The following ZNF644 variants were observed in gnomAD, a reference collection of about 807,000 sequenced individuals.
ZNF644 encodes the protein zinc finger motif enhancer binding protein 2.
In ZNF644, 20 loss-of-function variants were observed where a neutral mutation model predicts 108.0. The observed-to-expected ratio is 0.19, with a 90% confidence interval of 0.13 to 0.27. The LOEUF is 0.27. Among genes scored for constraint, ZNF644 ranks in the 10% least tolerant of loss-of-function variants. The pLI is 1.00. For synonymous variants in ZNF644, 542 were observed against 539.1 expected, an observed-to-expected ratio of 1.01 and a Z score of -0.08; for missense variants, 1,338 against 1,548.9, an observed-to-expected ratio of 0.86 and a Z score of 2.29.
chr1:90,940,706 G>C lies in ZNF644; in HGVS notation c.648C>G (p.Gly216=). The part of the protein sequence containing the change: ...NSVGSNIKSD[G]TLINQVEVGE... ...CCACCTCTACTTGATTTATTAAAGT[G>C]CCATCTGACTTTATATTACTCCCTA... Residue 216 remains glycine (G), a synonymous_variant, in exon 3 of 6, where the codon GGC becomes GGG. Coordinates refer to ENST00000337393, the MANE Select transcript of ZNF644 (RefSeq NM_201269.3). The C allele has an allele frequency of 6.2e-7, 1 of 1,614,014 alleles. No homozygotes were observed. Among genetic ancestry groups the C allele is most frequent in the Non-Finnish European group, 8.5e-7 (1 of 1,179,988 alleles).
At chr1:90,978,937 G>A (rs989173648) in intron 2 of ZNF644, among the ~76,000 whole-genome samples, 11 of 152,108 alleles carry the variant, frequency 7.2e-5, no homozygotes, top group Admixed American at 3.9e-4. Context: ...AAATGTCAAC[G>A]TCTAACTCTG....
chr1:90,916,527 A>G lies in ZNF644; in HGVS notation c.*271T>C, dbSNP rs1648778156. ...AAGTATCCATGTGCAACAGTTTATT[A>G]ATGGCTGCTTACATGTACTGCTCTT... On this transcript the variant is annotated 3_prime_UTR_variant, in exon 6 of 6. Transcript: ENST00000337393. The G allele has an allele frequency of 2.2e-6, 1 of 448,258 alleles. No individual in the cohort carries two copies. Among genetic ancestry groups the G allele is most frequent in the Non-Finnish European group, 4.1e-6 (1 of 246,486 alleles). 27.8% of individuals were successfully genotyped at this position (448,258 alleles called of 1,614,324 possible). A position where few individuals can be genotyped will look rare whatever the true frequency, so the allele number is the denominator to read the frequency against.
chr1:91,014,319 CTT>C (rs146591405), intron 1 of ZNF644, among the ~76,000 whole-genome samples: 1 of 151,878 alleles, frequency 6.6e-6, no homozygotes, highest in Non-Finnish European at 1.5e-5. Context: ...CAACATTAAG[CTT>C]TTTTCTTTTA....
chr1:90,972,770 T>C (rs991820453), intron 2 of ZNF644: 1 of 152,198 alleles, frequency 6.6e-6, no homozygotes, highest in African/African-American at 2.4e-5. Flanking sequence ...CAATACAGTA[T>C]TATGCAGACT....
chr1:91,012,976 C>T (rs1413600385), intron 1 of ZNF644, among the ~76,000 whole-genome samples: 1 of 152,174 alleles, frequency 6.6e-6, no homozygotes, highest in Non-Finnish European at 1.5e-5. Flanking sequence ...GAAACACTTT[C>T]CCTTTTGAAG....
chr1:90,992,247 A>C (rs1266506990), intron 1 of ZNF644, among the ~76,000 whole-genome samples: 3 of 152,124 alleles, frequency 2.0e-5, no homozygotes, highest in Non-Finnish European at 4.4e-5. Flanking sequence ...AAATCTGTTC[A>C]AATTGTTTAC....
In ZNF644 at chr1:90,939,056, A is replaced by C; in HGVS notation, c.2298T>G (p.Ala766=). The C allele has an allele frequency of 6.2e-7, 1 of 1,614,036 alleles. No homozygotes were observed. The highest frequency in any genetic ancestry group is 8.5e-7 in the Non-Finnish European group (1 of 1,179,940). Reference sequence around the variant, plus strand: ...ACAGGTGTAAAGAATTTAATGAACTAGCTTCTTCTTTTTTGAAATGCACAG... The same window carrying C: ...ACAGGTGTAAAGAATTTAATGAACTCGCTTCTTCTTTTTTGAAATGCACAG... ...SYPVHFKKEE[A]SSLNSLHLFS... The change falls in exon 3 of 6, where the codon GCT becomes GCG. Residue 766 remains alanine (A), a synonymous_variant. Transcript: ENST00000337393.
chr1:91,008,780 C>T (rs1004603853), intron 1 of ZNF644, among the ~76,000 whole-genome samples: 1 of 152,190 alleles, frequency 6.6e-6, no homozygotes, highest in African/African-American at 2.4e-5. Flanking sequence ...TCACTATTAA[C>T]GTCTTTACTT....
chr1:90,987,551 A>G (rs1657228330), intron 1 of ZNF644, among the ~76,000 whole-genome samples: 1 of 152,068 alleles, frequency 6.6e-6, no homozygotes, highest in Non-Finnish European at 1.5e-5. Flanking sequence ...AACTTACCAA[A>G]TAAGAAAAGC....
intron 4 of ZNF644, among the ~76,000 whole-genome samples, chr1:90,934,336 G>C (rs1221310589): frequency 6.6e-6 from 1 of 152,088 alleles, no homozygotes; most frequent in Non-Finnish European, 1.5e-5. Context: ...CTAAGTTCTA[G>C]GACATGAGGA....
chr1:90,982,490 T>G, intron 1 of ZNF644, 120 bp from the exon 2 acceptor site: 1 of 698,018 alleles, frequency 1.4e-6, no homozygotes. Flanking sequence ...TTTCTTGATA[T>G]AACATAAAAA....
In ZNF644 at chr1:90,938,377, A is replaced by G. The variant is rs759561009; in HGVS notation, c.2977T>C (p.Tyr993His). Residue 993 changes from tyrosine (Y) to histidine (H), a missense_variant, in exon 3 of 6, where the codon TAT becomes CAT. Transcript: ENST00000337393. The surrounding 1 kb of genome is among the most constrained non-coding windows in gnomAD (Gnocchi z 4.2). ...GGTGATACAACATGACGGGCTTCAT[A>G]GCTTAATCCTGCTCTGTGAAGATGC... ...RGHLHRAGLS[Y>H]EARHVVSPEQ... 1.2e-6 allele frequency: 2 copies of G among 1,613,964 alleles called. No homozygotes were observed. The highest frequency in any genetic ancestry group is 2.2e-5 in the South Asian group (2 of 91,070).
At position 90,940,385 on chromosome 1, in the gene ZNF644, T is replaced by C. The variant is rs1189040275; in HGVS notation, c.969A>G (p.Val323=). The change falls in exon 3 of 6, where the codon GTA becomes GTG. Residue 323 remains valine (V), a synonymous_variant. Transcript: ENST00000337393. ...CVPNKSKMQE[V]DFLEQNEELQ... is the part of the protein sequence containing the mutation. Reference sequence around the variant, plus strand: ...GCTCTTCATTTTGTTCTAGAAAGTCTACTTCTTGCATTTTTGATTTATTGG... The same window carrying C: ...GCTCTTCATTTTGTTCTAGAAAGTCCACTTCTTGCATTTTTGATTTATTGG... 8 of 1,613,744 alleles carry C rather than the reference T, an allele frequency of 5.0e-6. No homozygotes were observed. Among genetic ancestry groups the C allele is most frequent in the Non-Finnish European group, 6.8e-6 (8 of 1,179,960 alleles).
At chr1:90,983,300 T>A (rs1656748883) in intron 1 of ZNF644, among the ~76,000 whole-genome samples, 1 of 152,012 alleles carries the variant, frequency 6.6e-6, no homozygotes, top group Non-Finnish European at 1.5e-5. Context: ...TGCCACCCAA[T>A]GCCATCATCT....
chr1:91,017,832 G>C (rs567821448), intron 1 of ZNF644, among the ~76,000 whole-genome samples: 1 of 151,954 alleles, frequency 6.6e-6, no homozygotes, highest in Admixed American at 6.6e-5. Context: ...TGTGGTGGCC[G>C]GCGCCCGTAA....
intron 1 of ZNF644, among the ~76,000 whole-genome samples, chr1:90,997,998 G>A (rs1376478453): frequency 1.3e-5 from 2 of 152,242 alleles, no homozygotes; most frequent in Non-Finnish European, 2.9e-5. Flanking sequence ...GAGGCTGGGG[G>A]AGGGGTGCCC....
chr1:90,958,123 C>T (rs150737869), intron 2 of ZNF644, among the ~76,000 whole-genome samples: 138 of 150,604 alleles, frequency 9.2e-4, no homozygotes, highest in African/African-American at 3.2e-3. Flanking sequence ...TAAAAACTAG[C>T]TGGGCGTGGT....
At chr1:90,994,880 A>G (rs943950182) in intron 1 of ZNF644, among the ~76,000 whole-genome samples, 13 of 152,332 alleles carry the variant, frequency 8.5e-5, no homozygotes, top group African/African-American at 3.1e-4. Flanking sequence ...ATGGAAAGCT[A>G]GAAGAAAACA....
intron 2 of ZNF644, among the ~76,000 whole-genome samples, chr1:90,975,881 G>C (rs1395753768): frequency 6.6e-6 from 1 of 152,086 alleles, no homozygotes; most frequent in Non-Finnish European, 1.5e-5. Context: ...TTACCCTTAA[G>C]TGTAACATTA....
Sources: allele counts gnomAD v4.1 joint callset (sites outside exome capture counted in the v4.1 genomes callset), GRCh38; gene constraint gnomAD v4.1.1; non-coding constraint Gnocchi (gnomAD v3.1); transcripts MANE v1.5; gene names NCBI Gene and HGNC (gene_info 2026-07-23, HGNC 2026-07-21).